The following LAMA1 variants were observed in gnomAD, a reference collection of about 807,000 sequenced individuals.
The protein encoded by LAMA1 is laminin subunit alpha-1.
LAMA1 carries 219 observed loss-of-function variants against 348.7 expected under a neutral mutation model. The observed-to-expected ratio is 0.63, with a 90% CI of 0.56 to 0.70. The LOEUF (loss-of-function observed/expected upper bound fraction) is 0.70. LAMA1 is among the 30% of genes least tolerant of loss of function. LAMA1 has a pLI of 0.00. For synonymous variants in LAMA1, 1,487 were observed against 1,491.0 expected (o/e 1.00, Z 0.06); for missense variants, 3,744 against 3,888.0 (o/e 0.96, Z 0.99).
chr18:6,986,085 G>C, intron 37 of LAMA1, 52 bp downstream of exon 37: 4 of 1,593,220 alleles, frequency 2.5e-6, no homozygotes, highest in Non-Finnish European at 2.6e-6. Context: ...GCTTACGTTG[G>C]AGTATTTTGT....
chr18:7,071,861 C>A (rs2058147404), intron 3 of LAMA1, among the ~76,000 whole-genome samples: 1 of 152,142 alleles, frequency 6.6e-6, no homozygotes, highest in Admixed American at 6.6e-5. Flanking sequence ...ATAACAGGAG[C>A]CAAGTCACAG....
At position 6,950,971 on chromosome 18, in the gene LAMA1, C is replaced by T; in HGVS notation, c.8208G>A (p.Lys2736=). The change falls in exon 58 of 63, where the codon AAG becomes AAA. Residue 2736 remains lysine, a splice_region_variant and synonymous_variant. Transcript: ENST00000389658. The part of the protein sequence containing the change: ...LPFNQSAVRK[K]LSVELSIRTF... ...TGCGGATGCTTAGCTCAACCGAGAG[C>T]CTGGGGAAAACAAGTGCTCAGCGTT... 1.9e-6 allele frequency: 3 copies of T among 1,613,232 alleles called. No homozygotes were observed. Among genetic ancestry groups the T allele is most frequent in the Non-Finnish European group, 2.5e-6 (3 of 1,179,766 alleles).
chr18:6,976,879 G>A (rs2057685152), intron 44 of LAMA1, among the ~76,000 whole-genome samples: 1 of 152,104 alleles, frequency 6.6e-6, no homozygotes, highest in Non-Finnish European at 1.5e-5. Context: ...CAAATTGTGG[G>A]AGTTACGGGT....
chr18:6,958,024 C>T (rs1301544851), intron 55 of LAMA1, among the ~76,000 whole-genome samples: 1 of 152,052 alleles, frequency 6.6e-6, no homozygotes, highest in Non-Finnish European at 1.5e-5. Context: ...TCATGATCTG[C>T]CTGCCTTGGA....
chr18:7,097,445 TCTC>T (rs2058266374), intron 1 of LAMA1, among the ~76,000 whole-genome samples: 1 of 151,808 alleles, frequency 6.6e-6, no homozygotes, highest in Non-Finnish European at 1.5e-5. Context: ...AGACAGCAAT[TCTC>T]CTTAAATTGA....
intron 1 of LAMA1, among the ~76,000 whole-genome samples, chr18:7,106,777 G>A (rs953648929): frequency 2.0e-5 from 3 of 152,008 alleles, no homozygotes; most frequent in African/African-American, 7.2e-5. Flanking sequence ...GCCCACAGAG[G>A]GAACTTCTGT....
intron 5 of LAMA1, among the ~76,000 whole-genome samples, chr18:7,048,545 C>A (rs2058050859): frequency 6.6e-6 from 1 of 152,146 alleles, no homozygotes; most frequent in Non-Finnish European, 1.5e-5. Context: ...AGCCACAACA[C>A]CCAGCTGAAT....
Position 7,014,569 on chromosome 18 carries a change from C to T in LAMA1, c.3127-518G>A, listed in dbSNP as rs572609813. ...CCCAAGAGGTCAAGGATACAGTGAGCTTTGAGGATACAGTGAGCTTTGATG... is the reference window on the plus strand; with the variant it reads ...CCCAAGAGGTCAAGGATACAGTGAGTTTTGAGGATACAGTGAGCTTTGATG... On this transcript the variant is annotated intron_variant, in intron 22 of 62. Transcript: ENST00000389658. 3.2e-3 allele frequency among the ~76,000 whole-genome samples: 127 copies of T among 39,552 alleles called. 1 individual carries two copies. The highest frequency in any genetic ancestry group is 8.6e-3 in the African/African-American group (113 of 13,082). The allele number at this position is 39,552 out of a possible 152,430, so 25.9% of individuals were successfully genotyped here.
Position 7,044,785 on chromosome 18 carries a change from AGC to A in LAMA1, c.911_912del (p.Cys304LeufsTer21). ...CAGGGCTGCTGATGGTACCCAGGAC[AGC>A]ACCTGTTACAGCTCTCCCCGCAAGT... ...HNTCGESCNRCCPGYHQQPWR... is the reference protein window; with the variant it reads ...HNTCGESCNRXCPGYHQQPWR... On this transcript the variant is annotated frameshift_variant, in exon 7 of 63. Coordinates refer to ENST00000389658, the MANE Select transcript of LAMA1 (RefSeq NM_005559.4). LOFTEE classifies it high-confidence loss of function. 1 of 1,614,220 alleles carries A rather than the reference AGC, an allele frequency of 6.2e-7. No homozygotes were observed. The highest frequency in any genetic ancestry group is 8.5e-7 in the Non-Finnish European group (1 of 1,180,048).
intron 51 of LAMA1, among the ~76,000 whole-genome samples, chr18:6,963,711 T>A (rs1358752569): frequency 1.3e-5 from 2 of 152,224 alleles, no homozygotes; most frequent in African/African-American, 4.8e-5. Context: ...CCCCACTCCC[T>A]GCAAGCTGTC....
In LAMA1 at chr18:7,037,693, G is replaced by GTGC; in HGVS notation, c.1621_1622insGCA (p.Ser541delinsCysThr). The GTGC allele has an allele frequency of 6.2e-7, 1 of 1,614,210 alleles. No individual in the cohort carries two copies. Among genetic ancestry groups the GTGC allele is most frequent in the South Asian group, 1.1e-5 (1 of 91,088 alleles). On this transcript the variant is annotated protein_altering_variant, in exon 12 of 63. Coordinates refer to ENST00000389658, the MANE Select transcript of LAMA1 (RefSeq NM_005559.4). Reference sequence around the variant, plus strand: ...GCGCCCGCCTAGTGCATCTTGCTGAGACGGGATCTTCCTGGGACTGATCAA... The same window carrying GTGC: ...GCGCCCGCCTAGTGCATCTTGCTGAGTGCACGGGATCTTCCTGGGACTGATCAA...
At chr18:6,953,015 C>T (rs1369316826) in intron 57 of LAMA1, among the ~76,000 whole-genome samples, 8 of 92,432 alleles carry the variant, frequency 8.7e-5, no homozygotes, top group African/African-American at 2.5e-4. Flanking sequence ...TGCCTGTGTC[C>T]AGTGGATCCA....
At position 7,027,182 on chromosome 18, in the gene LAMA1, G is replaced by T. The variant is rs1373187457; in HGVS notation, c.2275-1076C>A. On this transcript the variant is annotated intron_variant, in intron 16 of 62. Coordinates refer to ENST00000389658, the MANE Select transcript of LAMA1 (RefSeq NM_005559.4). ...GGTCAACTGACAAAACTGAGCAACA[G>T]GTGGTAGGTTAGAAAAAGTAGAGTA... Among the ~76,000 whole-genome samples the T allele has an allele frequency of 2.0e-5, 3 of 152,108 alleles. 1 individual carries two copies. The highest frequency in any genetic ancestry group is 4.8e-5 in the African/African-American group (2 of 41,424).
intron 1 of LAMA1, among the ~76,000 whole-genome samples, chr18:7,088,437 G>C (rs2058226294): frequency 6.6e-6 from 1 of 152,102 alleles, no homozygotes; most frequent in African/African-American, 2.4e-5. Context: ...GAGGGAGCTA[G>C]CCATGCATGG....
chr18:6,945,283 G>C (rs563976469), intron 61 of LAMA1, among the ~76,000 whole-genome samples: 8 of 152,290 alleles, frequency 5.3e-5, no homozygotes, highest in Admixed American at 3.3e-4. Context: ...TTGGCTGTAA[G>C]TCAGTGTAGA....
At chr18:7,009,529 A>G (rs904244194) in intron 26 of LAMA1, among the ~76,000 whole-genome samples, 163 bp from the exon 27 acceptor site, 3 of 152,184 alleles carry the variant, frequency 2.0e-5, no homozygotes, top group Non-Finnish European at 4.4e-5. Context: ...CTCCATGGAC[A>G]GGCGCAGTGT....
rs138095695 is a variant in LAMA1, at chr18:6,959,394, C to T, written c.7725G>A (p.Thr2575=). Residue 2575 remains threonine (T), a synonymous_variant, in exon 54 of 63, where the codon ACG becomes ACA. Transcript: ENST00000389658. ...GCGCTTGTCCATCACTGCAGGTACC[C>T]GTGGGAGCGTGCAGGAGAGCTTTTC... ...GLRKALLHAP[T]GTCSDGQAHS... is the part of the protein sequence containing the mutation. 3.0e-5 allele frequency: 48 copies of T among 1,614,144 alleles called. No homozygotes were observed. The highest frequency in any genetic ancestry group is 3.6e-5 in the Non-Finnish European group (43 of 1,180,030).
intron 1 of LAMA1, among the ~76,000 whole-genome samples, chr18:7,107,546 C>T (rs2058317272): frequency 6.6e-6 from 1 of 152,178 alleles, no homozygotes; most frequent in Admixed American, 6.5e-5. Flanking sequence ...TCCAGACACA[C>T]TACCTTTGAA....
At chr18:7,048,129 A>G (rs1442567374) in intron 5 of LAMA1, among the ~76,000 whole-genome samples, 1 of 152,242 alleles carries the variant, frequency 6.6e-6, no homozygotes, top group Non-Finnish European at 1.5e-5. Context: ...TATCTGATGA[A>G]GGATTCGTAT....
Sources: allele counts gnomAD v4.1 joint callset (sites outside exome capture counted in the v4.1 genomes callset), GRCh38; gene constraint gnomAD v4.1.1; transcripts MANE v1.5; gene names NCBI Gene and HGNC (gene_info 2026-07-23, HGNC 2026-07-21).